NAA60: variants seen among roughly 807,000 people sequenced by gnomAD.
The protein encoded by NAA60 is N-alpha-acetyltransferase 60.
A neutral mutation model predicts 26.1 loss-of-function variants in NAA60; 8 were observed. The ratio of observed to expected loss-of-function variants is 0.31; its 90% CI spans 0.18 to 0.55. The LOEUF (loss-of-function observed/expected upper bound fraction) is 0.55, where lower values mean the gene tolerates loss of function less well. Ranked by LOEUF, NAA60 falls within the 20% of genes least tolerant of loss-of-function variation. The pLI, the probability that NAA60 is intolerant of heterozygous loss-of-function variation, is 0.93. For synonymous variants in NAA60, 131 were observed against 122.5 expected, an observed-to-expected ratio of 1.07 and a Z score of -0.46; for missense variants, 290 against 311.3, an observed-to-expected ratio of 0.93 and a Z score of 0.51.
chr16:3,449,273 C>T (rs2150945175), intron 2 of NAA60, among the ~76,000 whole-genome samples: 1 of 152,160 alleles, frequency 6.6e-6, no homozygotes, highest in Middle Eastern at 3.4e-3. Flanking sequence ...AATCCCAGCA[C>T]TTTGGGAGGC....
intron 2 of NAA60, among the ~76,000 whole-genome samples, chr16:3,460,046 T>C (rs1344553357): frequency 6.6e-6 from 1 of 152,134 alleles, no homozygotes; most frequent in East Asian, 1.9e-4. Flanking sequence ...GTGTACCTGT[T>C]AGCGGTGGTT....
intron 2 of NAA60, chr16:3,456,954 T>C (rs1858194762): frequency 6.6e-6 from 1 of 152,166 alleles, no homozygotes; most frequent in Non-Finnish European, 1.5e-5. Flanking sequence ...CACGCCTGGC[T>C]AATTTTTTTG....
chr16:3,457,877 G>A (rs1163820894), intron 2 of NAA60: 2 of 735,586 alleles, frequency 2.7e-6, no homozygotes, highest in East Asian at 1.3e-4. Flanking sequence ...CCCGCATACG[G>A]GATCCTGGGC....
At chr16:3,443,611 A>C (rs1012252113), upstream of NAA60, 10 of 792,006 alleles carry the variant, frequency 1.3e-5, no homozygotes, top group African/African-American at 5.3e-5. Flanking sequence ...TGAACACCTT[A>C]ACCGAGGACC....
At chr16:3,477,520 G>T (rs1214865527) in intron 3 of NAA60, among the ~76,000 whole-genome samples, 1 of 152,248 alleles carries the variant, frequency 6.6e-6, no homozygotes, top group African/African-American at 2.4e-5. Flanking sequence ...ACTGTTCTTG[G>T]CTGGGCGCAG....
chr16:3,462,101 A>C (rs1049337097), intron 2 of NAA60, among the ~76,000 whole-genome samples: 2 of 151,750 alleles, frequency 1.3e-5, no homozygotes, highest in Admixed American at 1.3e-4. Context: ...AAAAAAAAAA[A>C]AAAACCTTTC....
chr16:3,467,795 A>G (rs1252972060), intron 2 of NAA60: 1 of 152,176 alleles, frequency 6.6e-6, no homozygotes, highest in East Asian at 1.9e-4. Context: ...GGCTGAGCAC[A>G]TGGGGCTCCT....
At chr16:3,474,437 A>G (rs1235991296) in intron 2 of NAA60, among the ~76,000 whole-genome samples, 1 of 152,248 alleles carries the variant, frequency 6.6e-6, no homozygotes, top group Non-Finnish European at 1.5e-5. Flanking sequence ...CACTCCGCAG[A>G]GAAGGCTCCA....
At chr16:3,457,083 C>T (rs1043522446) in intron 2 of NAA60, among the ~76,000 whole-genome samples, 1 of 152,194 alleles carries the variant, frequency 6.6e-6, no homozygotes, top group African/African-American at 2.4e-5. Context: ...TGAGCCACCA[C>T]ACCCAGCCAA....
At chr16:3,484,103 G>A (rs2037021891) in intron 6 of NAA60, among the ~76,000 whole-genome samples, 1 of 152,140 alleles carries the variant, frequency 6.6e-6, no homozygotes, top group Non-Finnish European at 1.5e-5. Context: ...AACTTTCACT[G>A]GCCCCTGACA....
At chr16:3,452,721 T>G (rs2034833663) in intron 2 of NAA60, among the ~76,000 whole-genome samples, 1 of 149,636 alleles carries the variant, frequency 6.7e-6, no homozygotes, top group South Asian at 2.1e-4. Flanking sequence ...CTTTGGGAGG[T>G]AAGGTGGTCA....
chr16:3,476,207 C>G lies in NAA60; in HGVS notation c.-6-15C>G, dbSNP rs541679890. ...AGGCTGTGAGGTGACGCGTCCCCCCCACCCTTCCCCACAGGTGTGAATGAC... is the reference window on the plus strand; with the variant it reads ...AGGCTGTGAGGTGACGCGTCCCCCCGACCCTTCCCCACAGGTGTGAATGAC... On this transcript the variant is annotated splice_polypyrimidine_tract_variant and intron_variant, in intron 2 of 7. Coordinates refer to ENST00000407558, the MANE Select transcript of NAA60 (RefSeq NM_001083601.3). The G allele has an allele frequency of 2.3e-5, 37 of 1,576,220 alleles. No homozygotes were observed. The East Asian group carries it at 4.5e-4, about 19-fold the overall frequency.
intron 3 of NAA60, among the ~76,000 whole-genome samples, chr16:3,477,920 T>C (rs959778782): frequency 2.0e-5 from 3 of 152,070 alleles, no homozygotes; most frequent in African/African-American, 4.8e-5. Context: ...AAAAAAATTA[T>C]CTGGGCATGG....
chr16:3,470,414 G>C (rs566249361), intron 2 of NAA60, among the ~76,000 whole-genome samples: 7 of 152,196 alleles, frequency 4.6e-5, no homozygotes, highest in Non-Finnish European at 1.0e-4. Context: ...AGTAATTCTC[G>C]CAGATGTTCA....
At chr16:3,465,184 G>A (rs1458712856) in intron 2 of NAA60, among the ~76,000 whole-genome samples, 3 of 151,476 alleles carry the variant, frequency 2.0e-5, no homozygotes, top group East Asian at 1.9e-4. Context: ...GGAGAATGGC[G>A]TGAACCCGGG....
intron 2 of NAA60, among the ~76,000 whole-genome samples, chr16:3,473,294 G>C (rs2036267781): frequency 6.6e-6 from 1 of 152,168 alleles, no homozygotes; most frequent in Non-Finnish European, 1.5e-5. Context: ...AAAGGAACCA[G>C]GTTTAATGGA....
At chr16:3,476,146 T>C (rs2036467426) in intron 2 of NAA60, 76 bp from the exon 3 acceptor site, 1 of 1,144,068 alleles carries the variant, frequency 8.7e-7, no homozygotes, top group Non-Finnish European at 1.3e-6. Context: ...TGCTCTTCTG[T>C]CTCGCCTGCC....
chr16:3,483,063 A>C (rs2036948465), intron 5 of NAA60, among the ~76,000 whole-genome samples: 1 of 152,312 alleles, frequency 6.6e-6, no homozygotes, highest in South Asian at 2.1e-4. Flanking sequence ...CATCTAGTCC[A>C]TGTTTTCCTG....
In NAA60 at chr16:3,485,835, A is replaced by C; in HGVS notation, c.*575A>C. The C allele has an allele frequency of 2.8e-6, 1 of 363,516 alleles. No individual in the cohort carries two copies. The highest frequency in any genetic ancestry group is 3.6e-5 in the Admixed American group (1 of 27,584). The allele number at this position is 363,516 out of a possible 1,614,324, so 22.5% of individuals were successfully genotyped here. On this transcript the variant is annotated 3_prime_UTR_variant, in exon 8 of 8. Coordinates refer to ENST00000407558, the MANE Select transcript of NAA60 (RefSeq NM_001083601.3). ...CATGAGGGGCTGATGAGGGGTGGGC[A>C]GCCTGGGGGAGGCTTTCCTCGCAAG...
Sources: gnomAD v4.1 joint callset for allele counts (sites outside exome capture counted in the v4.1 genomes callset) on GRCh38, gnomAD v4.1.1 for gene constraint, MANE v1.5 for transcripts, NCBI Gene and HGNC (gene_info 2026-07-23, HGNC 2026-07-21) for gene names.